SYNE1: variants seen among roughly 807,000 people sequenced by gnomAD.
SYNE1 encodes spectrin repeat containing nuclear envelope protein 1.
SYNE1 carries 616 observed loss-of-function variants against 1,111.0 expected under a neutral mutation model. That is an observed-to-expected ratio of 0.55 (90% CI 0.52 to 0.59). The LOEUF (loss-of-function observed/expected upper bound fraction) is 0.59. Among genes scored for constraint, SYNE1 ranks in the 20% least tolerant of loss-of-function variants. SYNE1 has a pLI of 0.00. For missense variants in SYNE1, 10,006 were observed against 10,417.0 expected, an observed-to-expected ratio of 0.96 and a Z score of 1.72; for synonymous variants, 3,855 against 3,825.8, an observed-to-expected ratio of 1.01 and a Z score of -0.28.
At chr6:152,265,389 G>A (rs1192322433) in intron 100 of SYNE1, among the ~76,000 whole-genome samples, 8 of 151,814 alleles carry the variant, frequency 5.3e-5, no homozygotes, top group African/African-American at 1.9e-4. Flanking sequence ...AAATAATGGC[G>A]AGTGAAAAAA....
chr6:152,634,848 C>T (rs114887259), intron 2 of SYNE1, among the ~76,000 whole-genome samples: 1 of 152,354 alleles, frequency 6.6e-6, no homozygotes, highest in African/African-American at 2.4e-5. Context: ...CATTAGTTCT[C>T]GTTAGATTAG....
At chr6:152,129,430 T>G (rs1049923846) in intron 145 of SYNE1, 1 of 152,174 alleles carries the variant, frequency 6.6e-6, no homozygotes, top group Non-Finnish European at 1.5e-5. Context: ...ATGATCTGCC[T>G]AAAAGAAACT....
intron 78 of SYNE1, among the ~76,000 whole-genome samples, chr6:152,327,528 A>G (rs1410979923): frequency 2.0e-5 from 3 of 152,218 alleles, no homozygotes; most frequent in Non-Finnish European, 2.9e-5. Context: ...ACTAGACAAG[A>G]TAAGCCGCAA....
intron 97 of SYNE1, among the ~76,000 whole-genome samples, chr6:152,279,307 ATT>A (rs2093871710): frequency 1.3e-5 from 2 of 151,490 alleles, no homozygotes; most frequent in Non-Finnish European, 1.5e-5. Context: ...CTTATAAATC[ATT>A]GTTTTTATGT....
intron 101 of SYNE1, among the ~76,000 whole-genome samples, chr6:152,257,358 C>A (rs142826595): frequency 6.6e-6 from 1 of 152,098 alleles, no homozygotes; most frequent in Non-Finnish European, 1.5e-5. Flanking sequence ...CATGGTGAAA[C>A]CCCGTCTCTA....
At chr6:152,550,024 T>C (rs1193828795) in intron 3 of SYNE1, among the ~76,000 whole-genome samples, 1 of 152,204 alleles carries the variant, frequency 6.6e-6, no homozygotes, top group African/African-American at 2.4e-5. Flanking sequence ...TGATTCTTTG[T>C]CGTGGGAGGT....
chr6:152,484,497 A>T (rs977898648), intron 13 of SYNE1, among the ~76,000 whole-genome samples: 2 of 152,262 alleles, frequency 1.3e-5, no homozygotes, highest in African/African-American at 2.4e-5. Flanking sequence ...AGAATCTGCT[A>T]CAAGACCAGA....
Position 152,331,431 on chromosome 6 carries a change from A to G in SYNE1, c.13254T>C (p.Asn4418=), listed in dbSNP as rs746639784. The part of the protein sequence containing the change: ...ADRVMADLGL[N]ERQVIQKALS... ...GAGCCTTCTGGATGACCTGTCGCTC[A>G]TTGAGACCAAGATCTGCCATGACCC... Residue 4418 remains asparagine, a synonymous_variant, in exon 78 of 146, where the codon AAT becomes AAC. Transcript: ENST00000367255. 1.2e-6 allele frequency: 2 copies of G among 1,614,162 alleles called. No homozygotes were observed. Among genetic ancestry groups the G allele is most frequent in the East Asian group, 2.2e-5 (1 of 44,884 alleles).
At chr6:152,223,845 G>A (rs1263734096) in intron 117 of SYNE1, among the ~76,000 whole-genome samples, 4 of 152,240 alleles carry the variant, frequency 2.6e-5, no homozygotes, top group African/African-American at 7.2e-5. Context: ...CAAGAAGAAA[G>A]AGCAGTGACA....
At chr6:152,602,706 G>A (rs1338153806) in intron 3 of SYNE1, among the ~76,000 whole-genome samples, 1 of 152,070 alleles carries the variant, frequency 6.6e-6, no homozygotes. Flanking sequence ...GATTTCTTGT[G>A]ATCTGAAACT....
chr6:152,590,546 C>G (rs1342770859), intron 3 of SYNE1, among the ~76,000 whole-genome samples: 1 of 151,942 alleles, frequency 6.6e-6, no homozygotes, highest in Non-Finnish European at 1.5e-5. Context: ...ACAATTATTA[C>G]TTTAAAAAAA....
chr6:152,269,968 C>G (rs1331641942), intron 98 of SYNE1, among the ~76,000 whole-genome samples: 1 of 152,148 alleles, frequency 6.6e-6, no homozygotes, highest in African/African-American at 2.4e-5. Context: ...TGGACATCCT[C>G]TGTTCCACCT....
At chr6:152,248,104 A>G (rs2087961925) in intron 105 of SYNE1, among the ~76,000 whole-genome samples, 4 of 152,100 alleles carry the variant, frequency 2.6e-5, no homozygotes, top group Admixed American at 1.3e-4. Context: ...GTACAGCTAC[A>G]TGAAGCCTCA....
chr6:152,380,954 C>A, intron 56 of SYNE1, 52 bp downstream of exon 56: 2 of 1,576,116 alleles, frequency 1.3e-6, no homozygotes, highest in South Asian at 2.2e-5. Flanking sequence ...TGATGAAAGT[C>A]AAAACATTTT....
chr6:152,267,474 T>G (rs1371525894), intron 100 of SYNE1, among the ~76,000 whole-genome samples: 1 of 152,188 alleles, frequency 6.6e-6, no homozygotes, highest in Non-Finnish European at 1.5e-5. Flanking sequence ...TTCGTGGAAC[T>G]AGAATAAAAC....
chr6:152,419,174 C>T (rs183863975), intron 40 of SYNE1, among the ~76,000 whole-genome samples: 2 of 152,188 alleles, frequency 1.3e-5, no homozygotes, highest in East Asian at 3.9e-4. Context: ...GGGAAATAAG[C>T]TTTAAATCAT....
chr6:152,605,825 ATT>A (rs764693772), intron 3 of SYNE1, among the ~76,000 whole-genome samples: 1 of 151,852 alleles, frequency 6.6e-6, no homozygotes, highest in East Asian at 1.9e-4. Context: ...TTAAAAAGGT[ATT>A]TTTTTTCTTT....
At chr6:152,463,845 G>T (rs1381728336) in intron 18 of SYNE1, among the ~76,000 whole-genome samples, 1 of 152,112 alleles carries the variant, frequency 6.6e-6, no homozygotes, top group Non-Finnish European at 1.5e-5. Flanking sequence ...CTTCAGGCTA[G>T]TAAATACCAG....
At chr6:152,367,119 GA>G in intron 62 of SYNE1, 98 bp downstream of exon 62, 1 of 1,426,406 alleles carries the variant, frequency 7.0e-7, no homozygotes. Context: ...ATTTATCATG[GA>G]GAGAATGTGA....
Sources: gnomAD v4.1 joint callset for allele counts (sites outside exome capture counted in the v4.1 genomes callset) on GRCh38, gnomAD v4.1.1 for gene constraint, MANE v1.5 for transcripts, NCBI Gene and HGNC (gene_info 2026-07-23, HGNC 2026-07-21) for gene names.